Variants in RPS6KC1 observed in about 807,000 individuals in gnomAD.
The protein encoded by RPS6KC1 is inactive ribosomal protein S6 kinase delta-1.
A neutral mutation model predicts 103.8 loss-of-function variants in RPS6KC1; 54 were observed. The observed-to-expected ratio is 0.52, with a 90% CI of 0.42 to 0.65. The LOEUF (loss-of-function observed/expected upper bound fraction) is 0.65, where lower values mean the gene tolerates loss of function less well. Among genes scored for constraint, RPS6KC1 ranks in the 30% least tolerant of loss-of-function variants. The pLI is 0.00. For synonymous variants in RPS6KC1, 439 were observed against 438.7 expected, an observed-to-expected ratio of 1.00 and a Z score of -0.01; for missense variants, 1,151 against 1,253.8, an observed-to-expected ratio of 0.92 and a Z score of 1.24.
chr1:213,284,170 A>G, the RPS6KC1 span, among the ~76,000 whole-genome samples: 1 of 152,218 alleles, frequency 6.6e-6, no homozygotes, highest in East Asian at 1.9e-4. Flanking sequence ...CTCAGGAAAA[A>G]ATTAGAAATT....
intron 3 of RPS6KC1, among the ~76,000 whole-genome samples, chr1:213,096,994 A>G (rs2081518797): frequency 6.6e-6 from 1 of 152,210 alleles, no homozygotes; most frequent in Non-Finnish European, 1.5e-5. Context: ...GCATGAAAAC[A>G]TAATTAATCT....
chr1:213,384,156 G>T, the RPS6KC1 span, among the ~76,000 whole-genome samples: 1 of 151,860 alleles, frequency 6.6e-6, no homozygotes, highest in Non-Finnish European at 1.5e-5. Context: ...GGTGCCTGTA[G>T]TCCCAGCTAC....
At chr1:213,351,732 G>C in the RPS6KC1 span, among the ~76,000 whole-genome samples, 1 of 152,134 alleles carries the variant, frequency 6.6e-6, no homozygotes, top group Non-Finnish European at 1.5e-5. Context: ...TGCCAGAGGT[G>C]ACTTCTGGAA....
At chr1:213,754,701 G>A in the RPS6KC1 span, among the ~76,000 whole-genome samples, 14 of 152,286 alleles carry the variant, frequency 9.2e-5, no homozygotes, top group Non-Finnish European at 1.6e-4. Context: ...GGAACCATGA[G>A]CCAATTAAAC....
chr1:213,165,516 C>T (rs536854125), intron 6 of RPS6KC1, among the ~76,000 whole-genome samples: 12 of 152,230 alleles, frequency 7.9e-5, no homozygotes, highest in East Asian at 1.9e-4. Flanking sequence ...CTCCGCCTTC[C>T]GGGTTCACAC....
rs1225307149 is a variant in RPS6KC1 at position 213,242,158 on chromosome 1, A to G, written c.2682A>G (p.Ala894=). The part of the protein sequence containing the change: ...QIFEDLDKKL[A]LASRFYIPEG... ...TTGAGGACCTTGATAAAAAATTAGC[A>G]CTAGCCTCCAGGTTTTACATCCCAG... The change falls in exon 11 of 15, where the codon GCA becomes GCG. Residue 894 remains alanine, a synonymous_variant. Coordinates refer to ENST00000366960, the MANE Select transcript of RPS6KC1 (RefSeq NM_012424.6). 1 of 1,613,928 alleles carries G rather than the reference A, an allele frequency of 6.2e-7. No individual in the cohort carries two copies. Among genetic ancestry groups the G allele is most frequent in the South Asian group, 1.1e-5 (1 of 91,078 alleles).
the RPS6KC1 span, among the ~76,000 whole-genome samples, chr1:213,663,608 A>G: frequency 3.3e-5 from 5 of 152,294 alleles, no homozygotes; most frequent in East Asian, 7.7e-4. Context: ...AAGCAGAAAA[A>G]GGCACCATTA....
the RPS6KC1 span, among the ~76,000 whole-genome samples, chr1:213,359,161 A>G: frequency 6.6e-6 from 1 of 152,064 alleles, no homozygotes; most frequent in Non-Finnish European, 1.5e-5. Context: ...TGGGGTGTTA[A>G]AGTCTCCCAT....
chr1:213,205,562 A>ATATATATATATATATATATATATATT (rs1254542240), intron 8 of RPS6KC1, among the ~76,000 whole-genome samples: 7 of 139,862 alleles, frequency 5.0e-5, no homozygotes, highest in African/African-American at 2.6e-5. Context: ...ATATATATAT[A>ATATATATATATATATATATATATATT]TATATTTCAA....
chr1:213,253,279 T>C (rs2094576989), intron 12 of RPS6KC1, among the ~76,000 whole-genome samples: 1 of 152,158 alleles, frequency 6.6e-6, no homozygotes, highest in Non-Finnish European at 1.5e-5. Flanking sequence ...AGATGATCTA[T>C]GTGGTGCTCC....
At chr1:213,719,088 T>C in the RPS6KC1 span, among the ~76,000 whole-genome samples, 3 of 152,206 alleles carry the variant, frequency 2.0e-5, no homozygotes, top group African/African-American at 7.2e-5. Context: ...TTGTTTAAGG[T>C]TGTTGGCTGA....
At chr1:213,490,910 G>C in the RPS6KC1 span, among the ~76,000 whole-genome samples, 1 of 152,130 alleles carries the variant, frequency 6.6e-6, no homozygotes. Flanking sequence ...CACCTTCACA[G>C]ACTTTTCAGC....
the RPS6KC1 span, among the ~76,000 whole-genome samples, chr1:213,690,730 C>T: frequency 6.6e-6 from 1 of 152,140 alleles, no homozygotes; most frequent in Non-Finnish European, 1.5e-5. Context: ...TCAGTTTTCT[C>T]AGCTGGGAAA....
the RPS6KC1 span, among the ~76,000 whole-genome samples, chr1:213,852,327 T>G: frequency 6.6e-6 from 1 of 152,042 alleles, no homozygotes; most frequent in African/African-American, 2.4e-5. Flanking sequence ...ATTTCTCATA[T>G]CTCCCCATCT....
the RPS6KC1 span, among the ~76,000 whole-genome samples, chr1:213,730,718 A>G: frequency 6.6e-6 from 1 of 152,130 alleles, no homozygotes; most frequent in African/African-American, 2.4e-5. Flanking sequence ...CCCATTCTGT[A>G]GGTTGTCTGT....
the RPS6KC1 span, among the ~76,000 whole-genome samples, chr1:213,530,956 C>G: frequency 2.6e-5 from 4 of 152,198 alleles, no homozygotes; most frequent in Non-Finnish European, 4.4e-5. Flanking sequence ...CTTGTGTATA[C>G]AGATTGGACA....
chr1:213,263,228 C>T (rs1033029932), intron 14 of RPS6KC1, among the ~76,000 whole-genome samples: 1 of 152,212 alleles, frequency 6.6e-6, no homozygotes, highest in South Asian at 2.1e-4. Flanking sequence ...ACTCAGGTTG[C>T]TTAGGAGAGA....
chr1:213,054,565 A>T (rs2077186616), intron 1 of RPS6KC1, among the ~76,000 whole-genome samples: 1 of 152,240 alleles, frequency 6.6e-6, no homozygotes, highest in Admixed American at 6.5e-5. Context: ...ATTTACTTCT[A>T]GCTTCAAGGA....
chr1:213,227,007 G>C (rs2093979391), intron 8 of RPS6KC1, among the ~76,000 whole-genome samples: 1 of 152,122 alleles, frequency 6.6e-6, no homozygotes, highest in Admixed American at 6.5e-5. Context: ...AAAGTCCTGA[G>C]GTTAAAGAAG....
Sources: gnomAD v4.1 joint callset for allele counts (sites outside exome capture counted in the v4.1 genomes callset) on GRCh38, gnomAD v4.1.1 for gene constraint, MANE v1.5 for transcripts, NCBI Gene and HGNC (gene_info 2026-07-23, HGNC 2026-07-21) for gene names.